The following CAPN7 variants were observed in gnomAD, a reference collection of about 807,000 sequenced individuals.
CAPN7 encodes calpain 7, also known as calpain-7.
Under a neutral mutation model 115.2 loss-of-function variants are expected in CAPN7, and 72 were observed. The observed-to-expected ratio is 0.63, with a 90% CI of 0.52 to 0.76. The LOEUF is 0.76. Among genes scored for constraint, CAPN7 ranks in the 30% least tolerant of loss-of-function variants. The probability of loss-of-function intolerance (pLI) is 0.00; values close to 1 mark genes in which losing one functional copy is unlikely to be tolerated. For missense variants in CAPN7, 905 were observed against 971.5 expected (o/e 0.93, Z 0.91); for synonymous variants, 344 against 322.3 (o/e 1.07, Z -0.72).
intron 17 of CAPN7, 172 bp downstream of exon 17, chr3:15,245,843 A>C: frequency 2.0e-6 from 1 of 509,402 alleles, no homozygotes; most frequent in Non-Finnish European, 3.3e-6. Context: ...AAAATAATAC[A>C]TTTGAAAAGA....
chr3:15,230,723 T>G (rs1026616582), intron 9 of CAPN7, among the ~76,000 whole-genome samples, 188 bp downstream of exon 9: 1 of 152,230 alleles, frequency 6.6e-6, no homozygotes, highest in Non-Finnish European at 1.5e-5. Context: ...ATGGCAAGTA[T>G]AAACTTGTTT....
In CAPN7 at chr3:15,246,569, C is replaced by G. The variant is rs1044126808; in HGVS notation, c.2011-163C>G. On this transcript the variant is annotated intron_variant, in intron 17 of 20. Transcript: ENST00000253693. ...AGCAGAGAAAGCCAAGACCAGACCC[C>G]TAGCTTCTCAGTTCCCAGCTCATTA... 2.7e-5 allele frequency: 16 copies of G among 595,882 alleles called. No homozygotes were observed. The South Asian group carries it at 2.7e-4, about 10-fold the overall frequency. The allele number at this position is 595,882 out of a possible 1,614,324, so 36.9% of individuals were successfully genotyped here.
intron 2 of CAPN7, among the ~76,000 whole-genome samples, chr3:15,214,856 G>GC (rs1210306028): frequency 2.0e-5 from 3 of 152,172 alleles, no homozygotes. Context: ...AAAGCAATTT[G>GC]CCCCCCAGGG....
chr3:15,244,497 C>G (rs1349799151), intron 16 of CAPN7, among the ~76,000 whole-genome samples: 1 of 152,122 alleles, frequency 6.6e-6, no homozygotes, highest in Non-Finnish European at 1.5e-5. Context: ...GTTCAAGATC[C>G]ACAGATATGC....
chr3:15,229,858 T>G (rs778279243), intron 8 of CAPN7, among the ~76,000 whole-genome samples: 2 of 152,210 alleles, frequency 1.3e-5, no homozygotes, highest in African/African-American at 2.4e-5. Context: ...TTAAAATCAT[T>G]CATTGCAAAA....
intron 1 of CAPN7, 59 bp from the exon 2 acceptor site, chr3:15,212,045 T>C: frequency 2.1e-6 from 2 of 963,026 alleles, no homozygotes; most frequent in Non-Finnish European, 3.1e-6. Context: ...GAGAATGTGA[T>C]AAAGAAAATT....
chr3:15,227,926 T>C lies in CAPN7; in HGVS notation c.813T>C (p.Pro271=), dbSNP rs1694424292. The C allele has an allele frequency of 1.3e-6, 2 of 1,549,590 alleles. No individual in the cohort carries two copies. The highest frequency in any genetic ancestry group is 1.7e-6 in the Non-Finnish European group (2 of 1,148,042). The change falls in exon 7 of 21, where the codon CCT becomes CCC. Residue 271 remains proline (P), a synonymous_variant. Coordinates refer to ENST00000253693, the MANE Select transcript of CAPN7 (RefSeq NM_014296.3). ...GACCAGAAGACCTCACCAACAATCCTACAATGATATATACTGTGTCCAGTT... is the reference window on the plus strand; with the variant it reads ...GACCAGAAGACCTCACCAACAATCCCACAATGATATATACTGTGTCCAGTT... ...WVRPEDLTNN[P]TMIYTVSSFS... is the part of the protein sequence containing the mutation.
At chr3:15,206,661 C>T (rs1272414611) in intron 1 of CAPN7, 64 bp downstream of exon 1, 1 of 1,226,178 alleles carries the variant, frequency 8.2e-7, no homozygotes. Context: ...GGCCTGCGGC[C>T]GAGGGGCGGG....
Position 15,242,080 on chromosome 3 carries a change from T to G in CAPN7, c.1789-98T>G. Reference sequence around the variant, plus strand: ...TGCTCTTAAAATTAGAGATTTTTTGTGGAGAGATTTAGAGCATTTTTTTGG... The same window carrying G: ...TGCTCTTAAAATTAGAGATTTTTTGGGGAGAGATTTAGAGCATTTTTTTGG... On this transcript the variant is annotated intron_variant, in intron 15 of 20. Coordinates refer to ENST00000253693, the MANE Select transcript of CAPN7 (RefSeq NM_014296.3). 8.1e-6 allele frequency: 6 copies of G among 744,006 alleles called. No individual in the cohort carries two copies. In the South Asian group the frequency reaches 1.0e-4, roughly 12 times the overall value. 46.1% of individuals were successfully genotyped at this position (744,006 alleles called of 1,614,324 possible). A position where few individuals can be genotyped will look rare whatever the true frequency, so the allele number is the denominator to read the frequency against.
chr3:15,229,169 A>G, intron 8 of CAPN7, 110 bp downstream of exon 8: 1 of 697,056 alleles, frequency 1.4e-6, no homozygotes, highest in Non-Finnish European at 2.5e-6. Flanking sequence ...CATTCAGAAT[A>G]TGGCCCTTCT....
chr3:15,220,367 A>G (rs1227234208), intron 4 of CAPN7, among the ~76,000 whole-genome samples: 1 of 152,196 alleles, frequency 6.6e-6, no homozygotes, highest in African/African-American at 2.4e-5. Context: ...TCTCCAACTC[A>G]TCCCCACTTG....
rs747653550 is a variant in CAPN7 at position 15,233,913 on chromosome 3, C to T, written c.1226C>T (p.Ala409Val). Residue 409 changes from alanine to valine, a missense_variant, in exon 11 of 21, where the codon GCT (alanine) becomes GTT (valine). Transcript: ENST00000253693. ...ALTGWIPERIAMHSDSQTFSK... is the reference protein window; with the variant it reads ...ALTGWIPERIVMHSDSQTFSK... ...ACTGGCTGGATACCAGAAAGAATTGCTATGCATTCAGATAGCCAAACTTTC... is the reference window on the plus strand; with the variant it reads ...ACTGGCTGGATACCAGAAAGAATTGTTATGCATTCAGATAGCCAAACTTTC... 6.2e-7 allele frequency: 1 copy of T among 1,607,460 alleles called. No homozygotes were observed. Among genetic ancestry groups the T allele is most frequent in the Non-Finnish European group, 8.5e-7 (1 of 1,175,024 alleles).
At chr3:15,232,442 GT>G in intron 9 of CAPN7, 76 bp from the exon 10 acceptor site, 2 of 1,150,270 alleles carry the variant, frequency 1.7e-6, no homozygotes, top group South Asian at 3.1e-5. Context: ...AGTATGAAAG[GT>G]ATGTTTTTAT....
chr3:15,241,062 A>T (rs1175979158), intron 14 of CAPN7, among the ~76,000 whole-genome samples: 1 of 152,192 alleles, frequency 6.6e-6, no homozygotes, highest in African/African-American at 2.4e-5. Flanking sequence ...AAAGTTAGCC[A>T]GGCATTGTGG....
chr3:15,238,849 A>ATTTT (rs59838740), intron 12 of CAPN7, among the ~76,000 whole-genome samples: 4,063 of 113,898 alleles, frequency 0.036, 313 homozygotes, highest in African/African-American at 0.15. Context: ...GCAAAATCAA[A>ATTTT]TTTTTTTTTT....
chr3:15,229,640 A>C (rs1694566769), intron 8 of CAPN7, among the ~76,000 whole-genome samples: 3 of 121,194 alleles, frequency 2.5e-5, no homozygotes, highest in African/African-American at 9.7e-5. Flanking sequence ...CAATGGCGTG[A>C]TCTCGGCTCA....
chr3:15,231,624 G>A (rs1694692863), intron 9 of CAPN7, among the ~76,000 whole-genome samples: 1 of 151,720 alleles, frequency 6.6e-6, no homozygotes, highest in Non-Finnish European at 1.5e-5. Flanking sequence ...CCGCCTCCTG[G>A]GTGCAAGTGG....
At chr3:15,240,666 CAT>C (rs1159262021) in intron 13 of CAPN7, 49 bp downstream of exon 13, 9 of 1,536,630 alleles carry the variant, frequency 5.9e-6, no homozygotes, top group African/African-American at 2.8e-5. Context: ...CAAAAAAAAA[CAT>C]GTTTTAACAA....
intron 18 of CAPN7, 90 bp from the exon 19 acceptor site, chr3:15,247,237 T>A: frequency 1.5e-6 from 1 of 672,030 alleles, no homozygotes. Context: ...AAAATTGCCT[T>A]TTTTTTTTTT....
Sources: gnomAD v4.1 joint callset for allele counts (sites outside exome capture counted in the v4.1 genomes callset) on GRCh38, gnomAD v4.1.1 for gene constraint, MANE v1.5 for transcripts, NCBI Gene and HGNC (gene_info 2026-07-23, HGNC 2026-07-21) for gene names.